Variants in C3orf85 observed in about 807,000 individuals in gnomAD.
C3orf85 encodes chromosome 3 open reading frame 85.
A neutral mutation model predicts 1.7 loss-of-function variants in C3orf85; 1 was observed. The ratio of observed to expected loss-of-function variants is 0.60; its 90% confidence interval spans 0.21 to 2.86. The LOEUF is 2.86. Among genes scored for constraint, C3orf85 ranks in the 30% most tolerant of loss-of-function variants. The pLI is 0.22. For missense variants in C3orf85, 29 were observed against 21.3 expected (o/e 1.36, Z -0.72); for synonymous variants, 17 against 8.0 (o/e 2.13, Z -1.90).
Position 109,148,258 on chromosome 3 carries a change from T to C in C3orf85, c.55T>C (p.Leu19=), listed in dbSNP as rs775918947. ...TCTTGGACTCTAAATTGCAGGAGCA[T>C]TGGGAGCGCCATTTTTGTTGGAAGA... ...VLCSTLLIGA[L]GAPFLLEDPA... is the part of the protein sequence containing the mutation. Residue 19 remains leucine, a synonymous_variant, in exon 3 of 4, where the codon TTG becomes CTG. Coordinates refer to ENST00000622536, the MANE Select transcript of C3orf85 (RefSeq NM_001351622.2). The C allele has an allele frequency of 3.7e-5, 26 of 701,888 alleles. No homozygotes were observed. The highest frequency in any genetic ancestry group is 1.1e-4 in the East Asian group (4 of 37,280). The allele number at this position is 701,888 out of a possible 1,614,324, so 43.5% of individuals were successfully genotyped here.
intron 2 of C3orf85, among the ~76,000 whole-genome samples, chr3:109,146,015 G>A (rs1408859961): frequency 1.3e-5 from 2 of 152,186 alleles, no homozygotes; most frequent in Admixed American, 6.5e-5. Flanking sequence ...TCTGTGAGGT[G>A]TCCATGACAG....
rs150955531 is a variant in C3orf85 at position 109,149,700 on chromosome 3, T to G, written c.184-105T>G. 1.0e-3 allele frequency: 404 copies of G among 394,286 alleles called. 9 individuals carry two copies. In the East Asian group the frequency reaches 0.012, roughly 12 times the overall value. The allele number at this position is 394,286 out of a possible 1,614,324, so 24.4% of individuals were successfully genotyped here. A position where few individuals can be genotyped will look rare whatever the true frequency, so the allele number is the denominator to read the frequency against. On this transcript the variant is annotated intron_variant, in intron 3 of 3. Coordinates refer to ENST00000622536, the MANE Select transcript of C3orf85 (RefSeq NM_001351622.2). Reference sequence around the variant, plus strand: ...TCTATTTGGTATAATTCTTCCATTATATTTTTCTCATCTTTTAGGAATATC... The same window carrying G: ...TCTATTTGGTATAATTCTTCCATTAGATTTTTCTCATCTTTTAGGAATATC...
At chr3:109,143,276 A>C (rs1277757076) in intron 2 of C3orf85, among the ~76,000 whole-genome samples, 2 of 152,200 alleles carry the variant, frequency 1.3e-5, no homozygotes, top group African/African-American at 4.8e-5. Flanking sequence ...TCCTACCACA[A>C]GTATCATTTC....
chr3:109,139,578 TTTG>T (rs1204428664), intron 2 of C3orf85, among the ~76,000 whole-genome samples: 2 of 152,226 alleles, frequency 1.3e-5, no homozygotes, highest in Non-Finnish European at 2.9e-5. Context: ...CTGGGTTTTT[TTTG>T]TTGTTTCTCA....
At chr3:109,137,353 C>T (rs1706689266) in intron 2 of C3orf85, among the ~76,000 whole-genome samples, 2 of 151,854 alleles carry the variant, frequency 1.3e-5, no homozygotes, top group Non-Finnish European at 1.5e-5. Context: ...AGAGGCCAGG[C>T]GATTTGCTGC....
intron 2 of C3orf85, among the ~76,000 whole-genome samples, chr3:109,141,430 T>C (rs1299881421): frequency 6.6e-6 from 1 of 152,224 alleles, no homozygotes; most frequent in African/African-American, 2.4e-5. Context: ...TTTTCACCTT[T>C]TGTCTTTTGT....
rs544072897 is a variant in C3orf85 at position 109,142,371 on chromosome 3, T to A, written c.49+5475T>A. Reference sequence around the variant, plus strand: ...ATAGTAAACAATAAATATTATTAGGTACTTATGCTGAGTGCTAAGTGCTTT... The same window carrying A: ...ATAGTAAACAATAAATATTATTAGGAACTTATGCTGAGTGCTAAGTGCTTT... On this transcript the variant is annotated intron_variant, in intron 2 of 3. Transcript: ENST00000622536. Among the ~76,000 whole-genome samples the A allele has an allele frequency of 3.3e-5, 5 of 152,336 alleles. No individual in the cohort carries two copies. The East Asian group carries it at 9.6e-4, about 29-fold the overall frequency.
intron 2 of C3orf85, among the ~76,000 whole-genome samples, chr3:109,143,560 C>T (rs2107834714): frequency 6.6e-6 from 1 of 152,296 alleles, no homozygotes; most frequent in Admixed American, 6.5e-5. Flanking sequence ...CTAAATTTTT[C>T]AGTAAGTTCC....
At chr3:109,146,240 C>G (rs986969644) in intron 2 of C3orf85, 1 of 152,140 alleles carries the variant, frequency 6.6e-6, no homozygotes, top group African/African-American at 2.4e-5. Flanking sequence ...GAGGAACTTA[C>G]GGTACAAAAT....
Position 109,150,578 on chromosome 3 carries a change from C to T in C3orf85, c.*684C>T, listed in dbSNP as rs1706858546. On this transcript the variant is annotated 3_prime_UTR_variant, in exon 4 of 4. Transcript: ENST00000622536. ...AATGTGAAATAACAGTTTTGACTCACTGGCCAGGCACATTTTATAATTTTT... is the reference window on the plus strand; with the variant it reads ...AATGTGAAATAACAGTTTTGACTCATTGGCCAGGCACATTTTATAATTTTT... 6.6e-6 allele frequency: 1 copy of T among 152,154 alleles called. No homozygotes were observed. The highest frequency in any genetic ancestry group is 2.1e-4 in the South Asian group (1 of 4,824). The allele number at this position is 152,154 out of a possible 1,614,324, so 9.4% of individuals were successfully genotyped here. A position where few individuals can be genotyped will look rare whatever the true frequency, so the allele number is the denominator to read the frequency against.
At chr3:109,140,008 A>T (rs1480597975) in intron 2 of C3orf85, among the ~76,000 whole-genome samples, 1 of 152,136 alleles carries the variant, frequency 6.6e-6, no homozygotes, top group Non-Finnish European at 1.5e-5. Context: ...CTACCATAGG[A>T]AGACTAGCCC....
At chr3:109,144,618 A>G (rs1421280290) in intron 2 of C3orf85, among the ~76,000 whole-genome samples, 1 of 152,230 alleles carries the variant, frequency 6.6e-6, no homozygotes, top group East Asian at 1.9e-4. Flanking sequence ...GCTATTGTAT[A>G]TATTTTAAAG....
chr3:109,142,634 T>A (rs1322838513), intron 2 of C3orf85, among the ~76,000 whole-genome samples: 1 of 152,106 alleles, frequency 6.6e-6, no homozygotes, highest in South Asian at 2.1e-4. Flanking sequence ...AGGTTACATA[T>A]GGGAAATAAT....
Position 109,150,200 on chromosome 3 carries a change from G to A in C3orf85, c.*306G>A, listed in dbSNP as rs1361086518. 1 of 171,302 alleles carries A rather than the reference G, an allele frequency of 5.8e-6. No homozygotes were observed. The highest frequency in any genetic ancestry group is 2.4e-5 in the African/African-American group (1 of 41,880). The allele number at this position is 171,302 out of a possible 1,614,324, so 10.6% of individuals were successfully genotyped here. A position where few individuals can be genotyped will look rare whatever the true frequency, so the allele number is the denominator to read the frequency against. On this transcript the variant is annotated 3_prime_UTR_variant, in exon 4 of 4. Coordinates refer to ENST00000622536, the MANE Select transcript of C3orf85 (RefSeq NM_001351622.2). ...AAAGCAAAAACATAAACAAAGAAAAGTAGTTTCATTAAACCACTCTGTTCA... is the reference window on the plus strand; with the variant it reads ...AAAGCAAAAACATAAACAAAGAAAAATAGTTTCATTAAACCACTCTGTTCA...
At chr3:109,144,898 A>C (rs1422982648) in intron 2 of C3orf85, among the ~76,000 whole-genome samples, 1 of 152,228 alleles carries the variant, frequency 6.6e-6, no homozygotes, top group Non-Finnish European at 1.5e-5. Context: ...TATTAACAGA[A>C]TAATAGCACA....
intron 2 of C3orf85, among the ~76,000 whole-genome samples, chr3:109,147,461 A>G (rs542919524): frequency 1.3e-5 from 2 of 152,364 alleles, no homozygotes; most frequent in East Asian, 3.9e-4. Context: ...AACAGATTGT[A>G]TTGTTGTCAC....
Position 109,151,373 on chromosome 3 carries a change from G to A in C3orf85, c.*1479G>A, listed in dbSNP as rs6792570. ...GAGATGCTCCTCAACATACGATGGC[G>A]TTACATCCCAATAAACCCGTCACAC... On this transcript the variant is annotated 3_prime_UTR_variant, in exon 4 of 4. Coordinates refer to ENST00000622536, the MANE Select transcript of C3orf85 (RefSeq NM_001351622.2). Among the ~76,000 whole-genome samples the A allele has an allele frequency of 0.027, 4,167 of 152,176 alleles. 215 individuals are homozygous for A. The highest frequency in any genetic ancestry group is 0.096 in the African/African-American group (3,988 of 41,470).
chr3:109,147,881 T>C (rs1706817844), intron 2 of C3orf85, among the ~76,000 whole-genome samples: 1 of 152,168 alleles, frequency 6.6e-6, no homozygotes, highest in African/African-American at 2.4e-5. Flanking sequence ...GTGTGCATTA[T>C]TATACCCCTT....
intron 2 of C3orf85, among the ~76,000 whole-genome samples, chr3:109,140,178 A>C (rs534041677): frequency 6.6e-6 from 1 of 152,322 alleles, no homozygotes; most frequent in South Asian, 2.1e-4. Context: ...AATAAACTGG[A>C]AAATAATTTG....
Sources: gnomAD v4.1 joint callset for allele counts (sites outside exome capture counted in the v4.1 genomes callset) on GRCh38, gnomAD v4.1.1 for gene constraint, MANE v1.5 for transcripts, NCBI Gene and HGNC (gene_info 2026-07-23, HGNC 2026-07-21) for gene names.